The following FRMPD4 variants were observed in gnomAD, a reference collection of about 807,000 sequenced individuals.
FRMPD4 encodes the protein FERM and PDZ domain containing 4, also known as FERM and PDZ domain-containing protein 4.
FRMPD4 carries 22 observed loss-of-function variants against 94.1 expected under a neutral mutation model. That is an observed-to-expected ratio of 0.23 (90% CI 0.17 to 0.33). The LOEUF (loss-of-function observed/expected upper bound fraction) is 0.33. Ranked by LOEUF, FRMPD4 falls within the 10% of genes least tolerant of loss-of-function variation. The pLI, the probability that FRMPD4 is intolerant of heterozygous loss-of-function variation, is 1.00. For missense variants in FRMPD4, 1,111 were observed against 1,339.9 expected, an observed-to-expected ratio of 0.83 and a Z score of 2.67; for synonymous variants, 631 against 548.6, an observed-to-expected ratio of 1.15 and a Z score of -2.10.
chrX:12,276,887 C>T (rs1008046599), intron 1 of FRMPD4, among the ~76,000 whole-genome samples: 3 of 110,468 alleles, frequency 2.7e-5, no homozygotes, highest in Non-Finnish European at 5.7e-5. Flanking sequence ...TTTGGGAGGC[C>T]GAGGCGGGCG....
intron 1 of FRMPD4, among the ~76,000 whole-genome samples, chrX:12,205,871 G>A (rs1048007663): frequency 1.8e-5 from 2 of 112,296 alleles, no homozygotes; most frequent in Non-Finnish European, 3.8e-5. Flanking sequence ...GCTAATTATA[G>A]ATTCAAAGAA....
At chrX:11,918,113 TTC>T (rs2054035030) in intron 3 of FRMPD4, among the ~76,000 whole-genome samples, 1 of 112,352 alleles carries the variant, frequency 8.9e-6, no homozygotes, top group Admixed American at 9.4e-5. Context: ...TAAATAGATG[TTC>T]TCTTACTTCA....
chrX:12,600,560 C>T (rs779974224), intron 2 of FRMPD4, among the ~76,000 whole-genome samples: 73 of 112,518 alleles, frequency 6.5e-4, no homozygotes, highest in Non-Finnish European at 3.9e-4. Context: ...AAGTTGCTTT[C>T]TCACTCTTTG....
At chrX:12,119,687 G>A (rs1314730638) in intron 3 of FRMPD4, among the ~76,000 whole-genome samples, 1 of 112,621 alleles carries the variant, frequency 8.9e-6, no homozygotes, top group Non-Finnish European at 1.9e-5. Context: ...ATGTGAAGGC[G>A]AAGCAGGGAT....
intron 2 of FRMPD4, among the ~76,000 whole-genome samples, chrX:12,501,531 G>T (rs2057921353): frequency 9.2e-6 from 1 of 109,007 alleles, no homozygotes. Context: ...TTGCAGTGTG[G>T]AATATTTCTG....
chrX:12,493,907 A>G (rs1380172033), intron 1 of FRMPD4, among the ~76,000 whole-genome samples: 1 of 112,003 alleles, frequency 8.9e-6, no homozygotes, highest in Admixed American at 9.5e-5. Flanking sequence ...TATGTATCTC[A>G]TTTATCTGCA....
At chrX:12,678,078 T>A (rs2059918784) in intron 5 of FRMPD4, among the ~76,000 whole-genome samples, 1 of 112,008 alleles carries the variant, frequency 8.9e-6, no homozygotes, top group African/African-American at 3.2e-5. Context: ...TTAGTTGAGA[T>A]CATATTGTAC....
intron 1 of FRMPD4, among the ~76,000 whole-genome samples, chrX:12,307,529 G>A (rs1006635140): frequency 2.7e-5 from 3 of 111,338 alleles, no homozygotes; most frequent in Admixed American, 1.9e-4. Context: ...TCAAAAACAG[G>A]CAAAACTAGT....
intron 1 of FRMPD4, among the ~76,000 whole-genome samples, chrX:11,839,765 T>C (rs2053522903): frequency 9.0e-6 from 1 of 111,547 alleles, no homozygotes; most frequent in African/African-American, 3.2e-5. Flanking sequence ...TCTTTCTTTT[T>C]TCTTGTTTTG....
chrX:12,475,452 G>A (rs1379868821), intron 1 of FRMPD4, among the ~76,000 whole-genome samples: 1 of 111,561 alleles, frequency 9.0e-6, no homozygotes. Context: ...AGTGTTGGAA[G>A]TTCTGGCCAG....
intron 1 of FRMPD4, among the ~76,000 whole-genome samples, chrX:12,241,111 A>G (rs2057124288): frequency 8.9e-6 from 1 of 112,480 alleles, no homozygotes; most frequent in African/African-American, 3.2e-5. Flanking sequence ...ATTTCTCAAT[A>G]TCAGTAATAA....
At chrX:12,542,577 T>C (rs1444504289) in intron 2 of FRMPD4, among the ~76,000 whole-genome samples, 5 of 111,508 alleles carry the variant, frequency 4.5e-5, no homozygotes, top group Admixed American at 9.5e-5. Flanking sequence ...CACTGCTCAA[T>C]GAAATAAAAG....
intron 7 of FRMPD4, 32 bp downstream of exon 7, chrX:12,686,236 C>G: frequency 1.4e-6 from 1 of 714,600 alleles, no homozygotes; most frequent in South Asian, 2.3e-5. Flanking sequence ...TGTCCCTGGA[C>G]GCTTTCAGGT....
intron 11 of FRMPD4, among the ~76,000 whole-genome samples, 176 bp downstream of exon 11, chrX:12,704,661 T>G (rs1474411011): frequency 2.7e-5 from 3 of 112,985 alleles, no homozygotes; most frequent in African/African-American, 9.6e-5. Context: ...AAAATAAGTA[T>G]TCATATAGAA....
chrX:11,989,339 T>C (rs191465372), intron 3 of FRMPD4, among the ~76,000 whole-genome samples: 105 of 111,706 alleles, frequency 9.4e-4, no homozygotes, highest in African/African-American at 3.4e-3. Context: ...ACAAAATGGA[T>C]GGAACTGGAG....
rs149878813 is a variant in FRMPD4 at position 12,557,953 on chromosome X, A to C, written c.159-51768A>C. 9.1e-3 allele frequency among the ~76,000 whole-genome samples: 1,024 copies of C among 112,420 alleles called. 8 individuals carry two copies. The highest frequency in any genetic ancestry group is 0.029 in the African/African-American group (892 of 30,959). On this transcript the variant is annotated intron_variant, in intron 2 of 16. Transcript: ENST00000675598. Reference sequence around the variant, plus strand: ...TTTAACAGCATCTTCTGAGTTAGGCATCTTTTGCCAATTTTGGGAATGAGA... The same window carrying C: ...TTTAACAGCATCTTCTGAGTTAGGCCTCTTTTGCCAATTTTGGGAATGAGA...
At position 12,189,821 on chromosome X, in the gene FRMPD4, A is replaced by T. The variant is rs138589246; in HGVS notation, c.41+50809A>T. 4.3e-3 allele frequency among the ~76,000 whole-genome samples: 484 copies of T among 111,574 alleles called. 4 individuals are homozygous for T. Among genetic ancestry groups the T allele is most frequent in the African/African-American group, 0.015 (462 of 30,841 alleles). ...AACTTTCTTACTAAGATCAGGAATG[A>T]TGCAAAGATGTGTCCTCTCACCACT... On this transcript the variant is annotated intron_variant, in intron 1 of 16. Coordinates refer to ENST00000675598, the MANE Select transcript of FRMPD4 (RefSeq NM_001368397.1).
At position 12,718,773 on chromosome X, in the gene FRMPD4, A is replaced by T; in HGVS notation, c.3947A>T (p.Lys1316Met). Reference protein sequence around the residue: ...TLRDGCHRLPKIKETTALTEP... With the variant: ...TLRDGCHRLPMIKETTALTEP... ...AGAGATGGATGCCATCGGCTCCCCA[A>T]GATTAAGGAAACCACAGGTACAGCA... The change falls in exon 16 of 17, where the codon AAG (lysine) becomes ATG (methionine). Residue 1316 changes from lysine to methionine, a missense_variant. Coordinates refer to ENST00000675598, the MANE Select transcript of FRMPD4 (RefSeq NM_001368397.1). 8.4e-7 allele frequency: 1 copy of T among 1,187,094 alleles called. No individual in the cohort carries two copies. The highest frequency in any genetic ancestry group is 1.1e-6 in the Non-Finnish European group (1 of 873,635).
Position 12,658,469 on chromosome X carries a change from A to T in FRMPD4, c.423-16394A>T, listed in dbSNP as rs867498307. Among the ~76,000 whole-genome samples the T allele has an allele frequency of 1.7e-4, 19 of 111,817 alleles. No individual in the cohort carries two copies. In the Middle Eastern group the frequency reaches 0.014, roughly 82 times the overall value. On this transcript the variant is annotated intron_variant, in intron 4 of 16. Transcript: ENST00000675598. ...ATCCTGAAAAGGCTTGAGAAATGTT[A>T]ATAAAGGAGCTGCCAGTTAAAACAC... is the stretch of plus-strand genomic sequence containing the variant.
Sources: gnomAD v4.1 joint callset for allele counts (sites outside exome capture counted in the v4.1 genomes callset) on GRCh38, gnomAD v4.1.1 for gene constraint, MANE v1.5 for transcripts, NCBI Gene and HGNC (gene_info 2026-07-23, HGNC 2026-07-21) for gene names.